USP34: variants seen among roughly 807,000 people sequenced by gnomAD.
The protein encoded by USP34 is ubiquitin carboxyl-terminal hydrolase 34.
A neutral mutation model predicts 460.3 loss-of-function variants in USP34; 70 were observed. The observed-to-expected ratio is 0.15, with a 90% CI of 0.13 to 0.19. The LOEUF (loss-of-function observed/expected upper bound fraction) is 0.19, where lower values mean the gene tolerates loss of function less well. Among genes scored for constraint, USP34 ranks in the 10% least tolerant of loss-of-function variants. USP34 has a pLI of 1.00. For synonymous variants in USP34, 1,647 were observed against 1,405.3 expected, an observed-to-expected ratio of 1.17 and a Z score of -3.85; for missense variants, 3,985 against 4,236.2, an observed-to-expected ratio of 0.94 and a Z score of 1.65.
chr2:61,234,454 G>A (rs905786087), intron 57 of USP34, among the ~76,000 whole-genome samples: 3 of 152,102 alleles, frequency 2.0e-5, no homozygotes, highest in Non-Finnish European at 4.4e-5. Context: ...GAGAAAACCA[G>A]GCATAAACTG....
rs74460130 is a variant in USP34, at chr2:61,448,474, C to T, written c.43+22176G>A. Reference sequence around the variant, plus strand: ...GTCTCAAGGACGGGGAAAAAAAATGCAAAGAATATCTTATCTTGACAACTC... The same window carrying T: ...GTCTCAAGGACGGGGAAAAAAAATGTAAAGAATATCTTATCTTGACAACTC... On this transcript the variant is annotated intron_variant, in intron 1 of 79. Coordinates refer to ENST00000398571, the MANE Select transcript of USP34 (RefSeq NM_014709.4). Among the ~76,000 whole-genome samples the T allele has an allele frequency of 8.9e-4, 135 of 152,274 alleles. 3 individuals carry two copies. The East Asian group carries it at 0.021, about 24-fold the overall frequency.
rs746432773 is a variant in USP34 at position 61,395,149 on chromosome 2, T to A, written c.603+34A>T. 2.7e-6 allele frequency: 4 copies of A among 1,486,886 alleles called. No individual in the cohort carries two copies. In the South Asian group the frequency reaches 3.8e-5, roughly 14 times the overall value. The allele number at this position is 1,486,886 out of a possible 1,614,324, so 92.1% of individuals were successfully genotyped here. On this transcript the variant is annotated intron_variant, in intron 4 of 79. Coordinates refer to ENST00000398571, the MANE Select transcript of USP34 (RefSeq NM_014709.4). ...TGAGGCTTTGTTAAAAAAATAAAAT[T>A]TTCCATAAAAGAATAAAAAAGGTAA...
At chr2:61,226,808 T>G (rs1687742500) in intron 62 of USP34, 1 of 354,800 alleles carries the variant, frequency 2.8e-6, no homozygotes, top group Admixed American at 4.6e-5. Context: ...TATTTTACTG[T>G]ATATTTTTTC....
intron 1 of USP34, among the ~76,000 whole-genome samples, chr2:61,459,941 A>G (rs1245541911): frequency 6.6e-6 from 1 of 152,178 alleles, no homozygotes; most frequent in Non-Finnish European, 1.5e-5. Flanking sequence ...GGACGCCTGT[A>G]GTCCCAGCCA....
Position 61,451,464 on chromosome 2 carries a change from C to A in USP34, c.43+19186G>T, listed in dbSNP as rs1422558657. 2.0e-5 allele frequency among the ~76,000 whole-genome samples: 3 copies of A among 151,794 alleles called. No individual in the cohort carries two copies. The East Asian group carries it at 5.8e-4, about 29-fold the overall frequency. On this transcript the variant is annotated intron_variant, in intron 1 of 79. Coordinates refer to ENST00000398571, the MANE Select transcript of USP34 (RefSeq NM_014709.4). ...CTTCGGGAGGCCAAGGTGGGCGGAT[C>A]ATCTGAGGTTGGCAGCTCACGACCA...
At chr2:61,352,163 G>C (rs1424862946) in intron 10 of USP34, among the ~76,000 whole-genome samples, 1 of 152,074 alleles carries the variant, frequency 6.6e-6, no homozygotes, top group Non-Finnish European at 1.5e-5. Flanking sequence ...TTGGCACTCA[G>C]ATCTCAAACT....
chr2:61,317,525 T>G, intron 23 of USP34, 129 bp downstream of exon 23: 1 of 752,354 alleles, frequency 1.3e-6, no homozygotes, highest in South Asian at 1.9e-5. Context: ...AGACTCCATC[T>G]CAAAACAAAC....
chr2:61,277,720 T>C (rs1689412684), intron 41 of USP34: 1 of 154,348 alleles, frequency 6.5e-6, no homozygotes, highest in South Asian at 2.0e-4. Context: ...TACAATGTGA[T>C]ACAGTTTGGC....
At chr2:61,437,445 G>A (rs1694843137) in intron 1 of USP34, among the ~76,000 whole-genome samples, 1 of 152,040 alleles carries the variant, frequency 6.6e-6, no homozygotes, top group African/African-American at 2.4e-5. Context: ...ACAAATTCCT[G>A]AACACATACA....
chr2:61,305,388 C>A (rs893461727), intron 27 of USP34, among the ~76,000 whole-genome samples: 2 of 151,702 alleles, frequency 1.3e-5, no homozygotes, highest in African/African-American at 2.4e-5. Context: ...ACAAAGTATG[C>A]AAGATGACCA....
At chr2:61,432,026 C>T (rs1252562334) in intron 1 of USP34, among the ~76,000 whole-genome samples, 2 of 151,710 alleles carry the variant, frequency 1.3e-5, no homozygotes, top group African/African-American at 4.8e-5. Context: ...ATAAGAATTA[C>T]GTATGAATTT....
chr2:61,284,004 A>G (rs1689614467), intron 35 of USP34, among the ~76,000 whole-genome samples: 1 of 152,160 alleles, frequency 6.6e-6, no homozygotes, highest in Non-Finnish European at 1.5e-5. Context: ...AAGTTTTGAA[A>G]TCTATTACAC....
chr2:61,425,356 G>A (rs933559917), intron 1 of USP34, among the ~76,000 whole-genome samples: 1 of 152,044 alleles, frequency 6.6e-6, no homozygotes, highest in African/African-American at 2.4e-5. Context: ...ACTGAAGGGA[G>A]AAACAACAGT....
intron 49 of USP34, among the ~76,000 whole-genome samples, chr2:61,247,835 C>A (rs973902305): frequency 6.6e-6 from 1 of 152,136 alleles, no homozygotes; most frequent in South Asian, 2.1e-4. Context: ...CGCTCTGTCG[C>A]CCACACTGGA....
At chr2:61,443,906 G>T (rs548722637) in intron 1 of USP34, among the ~76,000 whole-genome samples, 16 of 152,166 alleles carry the variant, frequency 1.1e-4, no homozygotes, top group African/African-American at 3.9e-4. Context: ...TCGTGTGTGG[G>T]GAGTCAGGTG....
chr2:61,319,088 A>G, intron 22 of USP34, 85 bp downstream of exon 22: 1 of 1,353,746 alleles, frequency 7.4e-7, no homozygotes, highest in Non-Finnish European at 9.8e-7. Context: ...CTGTCAAAAA[A>G]AAAAAGGCAT....
In USP34 at chr2:61,471,011, C is replaced by T. The variant is rs1224573536; in HGVS notation, c.-319G>A. The stretch of plus-strand genomic sequence containing the variant: ...GGGAGGGGGCGGGTGGGGAGAGAAG[C>T]AGCAGAGTCACTTCACCGACCAGAC... On this transcript the variant is annotated 5_prime_UTR_variant, in exon 1 of 80. Transcript: ENST00000398571. 6.6e-6 allele frequency among the ~76,000 whole-genome samples: 1 copy of T among 150,804 alleles called. No individual in the cohort carries two copies. The highest frequency in any genetic ancestry group is 6.6e-5 in the Admixed American group (1 of 15,192).
intron 2 of USP34, among the ~76,000 whole-genome samples, chr2:61,410,875 A>C (rs150710191): frequency 2.6e-5 from 4 of 152,240 alleles, no homozygotes; most frequent in Admixed American, 2.0e-4. Flanking sequence ...CCCACAGAAC[A>C]CTGGAAAGGC....
At chr2:61,216,739 T>TG (rs1687407951) in intron 67 of USP34, among the ~76,000 whole-genome samples, 1 of 151,660 alleles carries the variant, frequency 6.6e-6, no homozygotes, top group African/African-American at 2.4e-5. Context: ...GCCAACATGG[T>TG]GAAACCCATC....
Sources: gnomAD v4.1 joint callset for allele counts (sites outside exome capture counted in the v4.1 genomes callset) on GRCh38, gnomAD v4.1.1 for gene constraint, MANE v1.5 for transcripts, NCBI Gene and HGNC (gene_info 2026-07-23, HGNC 2026-07-21) for gene names.